RTN1: variants seen among roughly 807,000 people sequenced by gnomAD.
The protein encoded by RTN1 is reticulon-1.
Under a neutral mutation model 65.5 loss-of-function variants are expected in RTN1, and 25 were observed. The ratio of observed to expected loss-of-function variants is 0.38; its 90% CI spans 0.28 to 0.53. The LOEUF (loss-of-function observed/expected upper bound fraction) is 0.53. RTN1 is among the 20% of genes least tolerant of loss of function. The pLI is 0.79. For synonymous variants in RTN1, 471 were observed against 447.6 expected, an observed-to-expected ratio of 1.05 and a Z score of -0.66; for missense variants, 983 against 1,025.4, an observed-to-expected ratio of 0.96 and a Z score of 0.57.
intron 3 of RTN1, chr14:59,630,645 C>A (rs1882525915): frequency 7.6e-7 from 1 of 1,309,382 alleles, no homozygotes; most frequent in South Asian, 2.1e-5. Context: ...AGGCGGCGCG[C>A]GGTGAGGGGC....
chr14:59,605,386 G>C lies in RTN1; in HGVS notation c.2094C>G (p.Asp698Glu). Residue 698 changes from aspartate (D) to glutamate (E), a missense_variant, in exon 5 of 9, where the codon GAC (aspartate) becomes GAG (glutamate). Around this residue, in one of 2 missense-constraint regions of RTN1, gnomAD observed 165 missense variants for 223.6 expected, o/e 0.74. Transcript: ENST00000267484. ...KELRRLFLVQ[D>E]LVDSLKFAVL... Reference sequence around the variant, plus strand: ...ACTATACTTTTAAGGAATCCACCAGGTCCTGGACAAGGAAGAGCCTCCTCA... The same window carrying C: ...ACTATACTTTTAAGGAATCCACCAGCTCCTGGACAAGGAAGAGCCTCCTCA... 1 of 1,614,076 alleles carries C rather than the reference G, an allele frequency of 6.2e-7. No homozygotes were observed. The highest frequency in any genetic ancestry group is 8.5e-7 in the Non-Finnish European group (1 of 1,179,982).
chr14:59,683,455 A>T (rs1192376673), intron 3 of RTN1, among the ~76,000 whole-genome samples: 1 of 10,266 alleles, frequency 9.7e-5, no homozygotes, highest in African/African-American at 5.9e-4. Flanking sequence ...AGAAAATTGA[A>T]AAAAAAAAAG....
chr14:59,634,168 G>A (rs1200195079), intron 3 of RTN1, among the ~76,000 whole-genome samples: 1 of 152,152 alleles, frequency 6.6e-6, no homozygotes, highest in Non-Finnish European at 1.5e-5. Flanking sequence ...GTCAGCAAAG[G>A]CCCGGAGCAG....
intron 3 of RTN1, among the ~76,000 whole-genome samples, chr14:59,688,638 G>C (rs1275870402): frequency 6.6e-6 from 1 of 152,202 alleles, no homozygotes; most frequent in Non-Finnish European, 1.5e-5. Context: ...CTACTGGCTT[G>C]AGGTTGAACT....
Position 59,749,224 on chromosome 14 carries a change from A to C in RTN1, c.242-2743T>G, listed in dbSNP as rs1258491268. On this transcript the variant is annotated intron_variant, in intron 1 of 8. Transcript: ENST00000267484. ...TATATATATATCTATATATATCTAT[A>C]TATCTATATATATCTATATATATCT... Among the ~76,000 whole-genome samples the C allele has an allele frequency of 1.4e-4, 11 of 76,608 alleles. 1 individual carries two copies. The highest frequency in any genetic ancestry group is 1.0e-3 in the African/African-American group (10 of 9,914). 50.3% of individuals were successfully genotyped at this position (76,608 alleles called of 152,430 possible).
chr14:59,758,677 C>A (rs958839501), intron 1 of RTN1, among the ~76,000 whole-genome samples: 2 of 152,174 alleles, frequency 1.3e-5, no homozygotes, highest in Admixed American at 1.3e-4. Flanking sequence ...GGCTTTCCTG[C>A]CTTTGTTGTC....
chr14:59,672,048 A>T (rs1883515689), intron 3 of RTN1, among the ~76,000 whole-genome samples: 1 of 152,202 alleles, frequency 6.6e-6, no homozygotes, highest in African/African-American at 2.4e-5. Context: ...AAAGTCTCTA[A>T]AATCAGCCTT....
chr14:59,714,916 T>C (rs1182792276), intron 3 of RTN1, among the ~76,000 whole-genome samples: 1 of 152,206 alleles, frequency 6.6e-6, no homozygotes, highest in African/African-American at 2.4e-5. Context: ...GCAGTGACAC[T>C]AGGAGATTAG....
At chr14:59,752,557 C>T (rs184131641) in intron 1 of RTN1, among the ~76,000 whole-genome samples, 2 of 152,080 alleles carry the variant, frequency 1.3e-5, no homozygotes, top group Non-Finnish European at 2.9e-5. Flanking sequence ...TGATCCCATC[C>T]TATTGTCTCC....
chr14:59,705,306 G>A (rs1427756204), intron 3 of RTN1, among the ~76,000 whole-genome samples: 2 of 152,148 alleles, frequency 1.3e-5, no homozygotes, highest in South Asian at 4.1e-4. Flanking sequence ...GGGCATTTAC[G>A]TTTAATTGTA....
At chr14:59,801,575 C>T (rs76964973) in intron 1 of RTN1, among the ~76,000 whole-genome samples, 1,855 of 152,234 alleles carry the variant, frequency 0.012, 36 homozygotes, top group African/African-American at 0.041. Flanking sequence ...AGGAGAATCA[C>T]TATCAGCAGC....
At chr14:59,610,022 C>A (rs574594671) in intron 3 of RTN1, 6 of 708,134 alleles carry the variant, frequency 8.5e-6, no homozygotes, top group Non-Finnish European at 1.6e-5. Flanking sequence ...ACTTGTGAGA[C>A]GTGAAGGGGC....
rs1022076855 is a variant in RTN1 at position 59,870,696 on chromosome 14, G to T, written c.-66C>A. On this transcript the variant is annotated 5_prime_UTR_variant, in exon 1 of 9. Coordinates refer to ENST00000267484, the MANE Select transcript of RTN1 (RefSeq NM_021136.3). The surrounding 1 kb of genome is among the most constrained non-coding windows in gnomAD (Gnocchi z 5.1). ...GCAGAGGCTCGGTGGCTGCGCGGGC[G>T]CTCCCTGCTGCTGTCCCCGGAGGGA... 23 of 1,300,236 alleles carry T rather than the reference G, an allele frequency of 1.8e-5. No individual in the cohort carries two copies. The highest frequency in any genetic ancestry group is 2.1e-5 in the Non-Finnish European group (22 of 1,031,186). 80.5% of individuals were successfully genotyped at this position (1,300,236 alleles called of 1,614,324 possible).
intron 3 of RTN1, among the ~76,000 whole-genome samples, chr14:59,721,853 A>G (rs988715990): frequency 6.6e-6 from 1 of 152,202 alleles, no homozygotes; most frequent in African/African-American, 2.4e-5. Context: ...ACTTTGTCTC[A>G]GGCTAATGAG....
At chr14:59,799,885 G>C (rs1353387692) in intron 1 of RTN1, among the ~76,000 whole-genome samples, 2 of 152,164 alleles carry the variant, frequency 1.3e-5, no homozygotes, top group Non-Finnish European at 2.9e-5. Context: ...CAGACAAAGA[G>C]GTAGAGGTGC....
rs929892706 is a variant in RTN1 at position 59,836,673 on chromosome 14, T to C, written c.241+33717A>G. 1.3e-5 allele frequency among the ~76,000 whole-genome samples: 2 copies of C among 151,946 alleles called. No homozygotes were observed. Among genetic ancestry groups the C allele is most frequent in the African/African-American group, 4.8e-5 (2 of 41,350 alleles). ...ATCCAGAATGACAGGGCAAAGGGTG[T>C]GTTGGGGAGTAGTGAGAGAGAAGGC... On this transcript the variant is annotated intron_variant, in intron 1 of 8. Coordinates refer to ENST00000267484, the MANE Select transcript of RTN1 (RefSeq NM_021136.3). The surrounding 1 kb of genome is among the most constrained non-coding windows in gnomAD (Gnocchi z 4.9).
intron 3 of RTN1, among the ~76,000 whole-genome samples, chr14:59,692,269 C>A (rs562267674): frequency 1.1e-4 from 16 of 152,232 alleles, no homozygotes; most frequent in African/African-American, 3.9e-4. Context: ...AAATCAGTAG[C>A]ATTTCTATAC....
At chr14:59,725,989 G>T (rs941833911) in intron 3 of RTN1, among the ~76,000 whole-genome samples, 1 of 152,128 alleles carries the variant, frequency 6.6e-6, no homozygotes, top group East Asian at 1.9e-4. Flanking sequence ...AGTTGTTAGG[G>T]TTTGTTTTAA....
chr14:59,630,321 C>A lies in RTN1; in HGVS notation c.1766-22829G>T. ...TTGAAATAAGAGGTTTACTACCCCC[C>A]AACACAAAGCTCTGGGGTATAAAGC... On this transcript the variant is annotated intron_variant, in intron 3 of 8. Coordinates refer to ENST00000267484, the MANE Select transcript of RTN1 (RefSeq NM_021136.3). The A allele has an allele frequency of 2.5e-6, 3 of 1,198,844 alleles. No individual in the cohort carries two copies. The South Asian group carries it at 4.2e-5, about 17-fold the overall frequency. 74.3% of individuals were successfully genotyped at this position (1,198,844 alleles called of 1,614,324 possible).
Sources: allele counts gnomAD v4.1 joint callset (sites outside exome capture counted in the v4.1 genomes callset), GRCh38; gene constraint gnomAD v4.1.1; regional missense constraint gnomAD v4.1.1; non-coding constraint Gnocchi (gnomAD v3.1); transcripts MANE v1.5; gene names NCBI Gene and HGNC (gene_info 2026-07-23, HGNC 2026-07-21).